Variants in KIAA0408 observed in about 807,000 individuals in gnomAD.
KIAA0408 encodes the protein uncharacterized protein KIAA0408.
In KIAA0408, 51 loss-of-function variants were observed where a neutral mutation model predicts 60.9. That is an observed-to-expected ratio of 0.84 (90% CI 0.67 to 1.06). KIAA0408 has a LOEUF of 1.06. Among genes scored for constraint, KIAA0408 ranks in the 50% least tolerant of loss-of-function variants. The pLI, the probability that KIAA0408 is intolerant of heterozygous loss-of-function variation, is 0.00. For synonymous variants in KIAA0408, 304 were observed against 282.4 expected (o/e 1.08, Z -0.77); for missense variants, 787 against 833.9 (o/e 0.94, Z 0.69).
chr6:127,448,324 G>A (rs1163221474), intron 4 of KIAA0408, among the ~76,000 whole-genome samples: 1 of 152,076 alleles, frequency 6.6e-6, no homozygotes. Flanking sequence ...AAGGCAAAAG[G>A]ATTAAATACT....
At chr6:127,457,465 C>T (rs1372051205) in intron 1 of KIAA0408, among the ~76,000 whole-genome samples, 3 of 152,210 alleles carry the variant, frequency 2.0e-5, no homozygotes, top group African/African-American at 7.2e-5. Context: ...CTCTTTGGCT[C>T]TCCAGTTTAT....
At chr6:127,450,569 G>T in intron 2 of KIAA0408, 1 of 532,964 alleles carries the variant, frequency 1.9e-6, no homozygotes, top group Non-Finnish European at 3.0e-6. Context: ...GGCAACACAT[G>T]GATGCTAATT....
intron 5 of KIAA0408, among the ~76,000 whole-genome samples, chr6:127,444,629 T>C (rs946356190): frequency 2.0e-5 from 3 of 152,156 alleles, no homozygotes; most frequent in Non-Finnish European, 4.4e-5. Flanking sequence ...GCGCTGTTAG[T>C]ATGTTACAGT....
chr6:127,439,166 G>C lies in KIAA0408; in HGVS notation c.*4943C>G, dbSNP rs1293184615. The C allele has an allele frequency of 6.3e-6, 1 of 159,278 alleles. No individual in the cohort carries two copies. Among genetic ancestry groups the C allele is most frequent in the Non-Finnish European group, 1.4e-5 (1 of 73,716 alleles). 9.9% of individuals were successfully genotyped at this position (159,278 alleles called of 1,614,324 possible). On this transcript the variant is annotated 3_prime_UTR_variant, in exon 6 of 6. Transcript: ENST00000483725. ...CAGAACTGTAGAGAAATAAATTTCT[G>C]TTCTTTATAAATAACCCAGTCTCAA...
Position 127,455,968 on chromosome 6 carries a change from T to C in KIAA0408, c.-120-1867A>G, listed in dbSNP as rs73589408. 7.1e-3 allele frequency among the ~76,000 whole-genome samples: 1,077 copies of C among 152,344 alleles called. 14 individuals carry two copies. Among genetic ancestry groups the C allele is most frequent in the African/African-American group, 0.024 (993 of 41,594 alleles). On this transcript the variant is annotated intron_variant, in intron 1 of 5. Transcript: ENST00000483725. Reference sequence around the variant, plus strand: ...AATCTAATTTCCATTGATCTTGATCTTGAATACCTAGTAATCTTTTAGGTT... The same window carrying C: ...AATCTAATTTCCATTGATCTTGATCCTGAATACCTAGTAATCTTTTAGGTT...
At position 127,454,026 on chromosome 6, in the gene KIAA0408, T is replaced by G; in HGVS notation, c.-45A>C. ...GCAAAGAAGTGTTTCTGCTCTTCTC[T>G]GCCTCCTCTTAACTGTTTCTTGGAA... is the stretch of plus-strand genomic sequence containing the variant. On this transcript the variant is annotated 5_prime_UTR_variant, in exon 2 of 6. Coordinates refer to ENST00000483725, the MANE Select transcript of KIAA0408 (RefSeq NM_014702.5). The G allele has an allele frequency of 6.3e-7, 1 of 1,577,148 alleles. No individual in the cohort carries two copies. The highest frequency in any genetic ancestry group is 1.4e-5 in the African/African-American group (1 of 73,684).
intron 4 of KIAA0408, 62 bp downstream of exon 4, chr6:127,449,760 T>G: frequency 6.2e-7 from 1 of 1,601,096 alleles, no homozygotes; most frequent in Non-Finnish European, 8.5e-7. Flanking sequence ...TTTGGAGTCA[T>G]TAACTAAAAA....
In KIAA0408 at chr6:127,444,174, G is replaced by T. The variant is rs1372235939; in HGVS notation, c.2020C>A (p.Pro674Thr). The change falls in exon 6 of 6, where the codon CCT becomes ACT. Residue 674 changes from proline (P) to threonine (T), a missense_variant. This residue lies in a region of KIAA0408 where 133 missense variants were observed against 119.2 expected (regional missense o/e 1.12). Coordinates refer to ENST00000483725, the MANE Select transcript of KIAA0408 (RefSeq NM_014702.5). ...RWASRSPSAP[P>T]ALRRTTHNYT... is the part of the protein sequence containing the mutation. ...TTGTGGGTAGTTCTCCGCAAGGCAG[G>T]GGGTGCAGATGGAGATCTGGATGCC... The T allele has an allele frequency of 2.5e-6, 4 of 1,613,886 alleles. No homozygotes were observed. Among genetic ancestry groups the T allele is most frequent in the Non-Finnish European group, 3.4e-6 (4 of 1,179,922 alleles).
At position 127,440,047 on chromosome 6, in the gene KIAA0408, T is replaced by C. The variant is rs1046648716; in HGVS notation, c.*4062A>G. On this transcript the variant is annotated 3_prime_UTR_variant, in exon 6 of 6. Transcript: ENST00000483725. ...TTCTAGATTTCTCCATAGCTTCATA[T>C]AAACAGATTTTTTTCCTAAGAATTT... is the stretch of plus-strand genomic sequence containing the variant. 6.6e-6 allele frequency: 1 copy of C among 152,202 alleles called. No individual in the cohort carries two copies. Among genetic ancestry groups the C allele is most frequent in the African/African-American group, 2.4e-5 (1 of 41,462 alleles). The allele number at this position is 152,202 out of a possible 1,614,324, so 9.4% of individuals were successfully genotyped here.
rs564086132 is a variant in KIAA0408, at chr6:127,445,805, T to A, written c.1911+603A>T. Among the ~76,000 whole-genome samples the A allele has an allele frequency of 2.6e-5, 4 of 152,054 alleles. No individual in the cohort carries two copies. In the East Asian group the frequency reaches 7.7e-4, roughly 29 times the overall value. The stretch of plus-strand genomic sequence containing the variant: ...ACTTAAAATGTCCATTTGAGTGGGG[T>A]TTTTTTGGTCAATTTCTATGCTAAG... On this transcript the variant is annotated intron_variant, in intron 5 of 5. Transcript: ENST00000483725.
rs1405061206 is a variant in KIAA0408, at chr6:127,440,286, AT to A, written c.*3822del. The A allele has an allele frequency of 6.8e-6, 1 of 146,250 alleles. No individual in the cohort carries two copies. The allele number at this position is 146,250 out of a possible 1,614,324, so 9.1% of individuals were successfully genotyped here. The stretch of plus-strand genomic sequence containing the variant: ...AAAGCACATTTTCTTGTAGGAACAT[AT>A]TTTCAGGGTGAGATGAACAAGTCAT... On this transcript the variant is annotated 3_prime_UTR_variant, in exon 6 of 6. Coordinates refer to ENST00000483725, the MANE Select transcript of KIAA0408 (RefSeq NM_014702.5).
rs6934860 is a variant in KIAA0408, at chr6:127,440,542, G to T, written c.*3567C>A. The T allele has an allele frequency of 0.55, 83,265 of 151,722 alleles. 23,735 individuals are homozygous for T. Among genetic ancestry groups the T allele is most frequent in the Non-Finnish European group, 0.59 (40,396 of 67,946 alleles). 9.4% of individuals were successfully genotyped at this position (151,722 alleles called of 1,614,324 possible). ...GGTTTCACCGTGATGAAACCAGGAT[G>T]GTCTCCATCTCCTGACCTCGTGATC... On this transcript the variant is annotated 3_prime_UTR_variant, in exon 6 of 6. Transcript: ENST00000483725.
chr6:127,446,851 C>G lies in KIAA0408; in HGVS notation c.1468G>C (p.Asp490His). 1 of 1,613,774 alleles carries G rather than the reference C, an allele frequency of 6.2e-7. No individual in the cohort carries two copies. Among genetic ancestry groups the G allele is most frequent in the Non-Finnish European group, 8.5e-7 (1 of 1,179,852 alleles). Residue 490 changes from aspartate (D) to histidine (H), a missense_variant, in exon 5 of 6, where the codon GAT (aspartate) becomes CAT (histidine). Around this residue, in one of 3 missense-constraint regions of KIAA0408, gnomAD observed 640 missense variants for 681.3 expected, o/e 0.94. Transcript: ENST00000483725. ...THTGSISQSN[D>H]VSGIWKTNAH... is the part of the protein sequence containing the mutation. ...TTGGTTTTCCAAATACCGGACACAT[C>G]GTTACTTTGTGATATGCTACCTGTG...
In KIAA0408 at chr6:127,443,747, A is replaced by T; in HGVS notation, c.*362T>A. On this transcript the variant is annotated 3_prime_UTR_variant, in exon 6 of 6. Transcript: ENST00000483725. ...AATTTCAAAGTCAACACTAGCACATAAGTTTTTCATATCTAAATACATACT... is the reference window on the plus strand; with the variant it reads ...AATTTCAAAGTCAACACTAGCACATTAGTTTTTCATATCTAAATACATACT... 5.4e-6 allele frequency: 1 copy of T among 185,458 alleles called. No homozygotes were observed. Among genetic ancestry groups the T allele is most frequent in the East Asian group, 1.7e-4 (1 of 5,944 alleles). 11.5% of individuals were successfully genotyped at this position (185,458 alleles called of 1,614,324 possible).
At chr6:127,452,365 A>T (rs1773316163) in intron 2 of KIAA0408, among the ~76,000 whole-genome samples, 1 of 152,148 alleles carries the variant, frequency 6.6e-6, no homozygotes, top group Admixed American at 6.6e-5. Context: ...GCAAAACATA[A>T]ACAGCAGTAC....
intron 1 of KIAA0408, among the ~76,000 whole-genome samples, chr6:127,456,418 A>T (rs186020328): frequency 6.6e-6 from 1 of 152,266 alleles, no homozygotes; most frequent in East Asian, 1.9e-4. Flanking sequence ...ACCTACCGGA[A>T]GATCATTCAG....
rs571869454 is a variant in KIAA0408 at position 127,452,944 on chromosome 6, G to C, written c.135+903C>G. On this transcript the variant is annotated intron_variant, in intron 2 of 5. Coordinates refer to ENST00000483725, the MANE Select transcript of KIAA0408 (RefSeq NM_014702.5). ...AGGGCTTAATAGTTACTTTTCTTCA[G>C]CTTTCTTCCTACTATGCCAATTCAT... 5.3e-5 allele frequency among the ~76,000 whole-genome samples: 8 copies of C among 152,140 alleles called. No homozygotes were observed. The South Asian group carries it at 1.5e-3, about 28-fold the overall frequency.
At chr6:127,453,278 T>C (rs1254219272) in intron 2 of KIAA0408, among the ~76,000 whole-genome samples, 1 of 152,026 alleles carries the variant, frequency 6.6e-6, no homozygotes, top group African/African-American at 2.4e-5. Flanking sequence ...AGTCGTGATA[T>C]GTCATTTTTC....
In KIAA0408 at chr6:127,447,233, T is replaced by G. The variant is rs1250679076; in HGVS notation, c.1086A>C (p.Ser362=). ...TTTTTGCACCTATCCCAATGTCACATGACCACATGCTAAGTCCAACATCTT... is the reference window on the plus strand; with the variant it reads ...TTTTTGCACCTATCCCAATGTCACAGGACCACATGCTAAGTCCAACATCTT... ...SNEDVGLSMW[S]CDIGIGAKRS... is the part of the protein sequence containing the mutation. The change falls in exon 5 of 6, where the codon TCA becomes TCC. Residue 362 remains serine (S), a synonymous_variant. Transcript: ENST00000483725. 1.9e-6 allele frequency: 3 copies of G among 1,613,466 alleles called. No homozygotes were observed. Among genetic ancestry groups the G allele is most frequent in the Admixed American group, 1.7e-5 (1 of 59,934 alleles).
Sources: gnomAD v4.1 joint callset for allele counts (sites outside exome capture counted in the v4.1 genomes callset) on GRCh38, gnomAD v4.1.1 for gene constraint, gnomAD v4.1.1 regional missense constraint, MANE v1.5 for transcripts, NCBI Gene and HGNC (gene_info 2026-07-23, HGNC 2026-07-21) for gene names.